The following ARHGAP24 variants were observed in gnomAD, a reference collection of about 807,000 sequenced individuals.
ARHGAP24 encodes Rho GTPase activating protein 24.
Under a neutral mutation model 76.4 loss-of-function variants are expected in ARHGAP24, and 50 were observed. The observed-to-expected ratio is 0.65, with a 90% CI of 0.52 to 0.83. ARHGAP24 has a LOEUF of 0.83. Among genes scored for constraint, ARHGAP24 ranks in the 40% least tolerant of loss-of-function variants. The probability of loss-of-function intolerance (pLI) is 0.00; values close to 1 mark genes in which losing one functional copy is unlikely to be tolerated. For missense variants in ARHGAP24, 930 were observed against 914.2 expected (o/e 1.02, Z -0.22); for synonymous variants, 345 against 323.3 (o/e 1.07, Z -0.72).
chr4:85,949,702 T>G (rs951772439), intron 5 of ARHGAP24, among the ~76,000 whole-genome samples: 2 of 152,146 alleles, frequency 1.3e-5, no homozygotes, highest in African/African-American at 4.8e-5. Context: ...TCTTGGTCAA[T>G]GGCAAATCAC....
chr4:85,690,108 C>T (rs1002166810), intron 2 of ARHGAP24, among the ~76,000 whole-genome samples: 3 of 152,152 alleles, frequency 2.0e-5, no homozygotes, highest in Admixed American at 6.5e-5. Flanking sequence ...ATGTTTATTT[C>T]GATGATCATA....
At chr4:85,939,716 C>T (rs1424862687) in intron 4 of ARHGAP24, among the ~76,000 whole-genome samples, 3 of 151,936 alleles carry the variant, frequency 2.0e-5, no homozygotes, top group Non-Finnish European at 4.4e-5. Context: ...AAAAAAAATC[C>T]CGAAAGCTTT....
intron 5 of ARHGAP24, among the ~76,000 whole-genome samples, chr4:85,960,114 C>T (rs762274469): frequency 2.6e-5 from 4 of 152,128 alleles, no homozygotes; most frequent in African/African-American, 4.8e-5. Flanking sequence ...TCTCTGAATA[C>T]TTCAACAATC....
At chr4:85,748,176 C>G (rs943370648) in intron 3 of ARHGAP24, among the ~76,000 whole-genome samples, 23 of 152,340 alleles carry the variant, frequency 1.5e-4, no homozygotes, top group African/African-American at 5.3e-4. Context: ...GTCTTTAACA[C>G]CAGTGAGCAA....
chr4:85,545,220 C>T (rs1348869848), intron 1 of ARHGAP24, among the ~76,000 whole-genome samples: 2 of 152,082 alleles, frequency 1.3e-5, no homozygotes, highest in African/African-American at 4.8e-5. Context: ...CTGCCTCAGC[C>T]TCCCGAGTAG....
At chr4:85,615,669 A>T (rs1720517383) in intron 2 of ARHGAP24, among the ~76,000 whole-genome samples, 1 of 152,342 alleles carries the variant, frequency 6.6e-6, no homozygotes, top group Admixed American at 6.5e-5. Context: ...ATAATTAATT[A>T]TGTTGTAATC....
intron 2 of ARHGAP24, among the ~76,000 whole-genome samples, chr4:85,615,483 G>A (rs918562425): frequency 6.6e-6 from 1 of 152,028 alleles, no homozygotes; most frequent in Non-Finnish European, 1.5e-5. Context: ...TCTCACCAGG[G>A]TACCATTTTC....
chr4:85,800,433 G>C (rs921713036), intron 3 of ARHGAP24, among the ~76,000 whole-genome samples: 2 of 151,920 alleles, frequency 1.3e-5, no homozygotes, highest in African/African-American at 4.8e-5. Flanking sequence ...AATGAAATAG[G>C]GCCCAAATGG....
intron 3 of ARHGAP24, among the ~76,000 whole-genome samples, chr4:85,778,035 T>C (rs1560627636): frequency 6.6e-6 from 1 of 152,174 alleles, no homozygotes; most frequent in Non-Finnish European, 1.5e-5. Flanking sequence ...AGCAAATGTG[T>C]GTCTAGTTTA....
At chr4:85,849,220 G>C (rs1041407670) in intron 3 of ARHGAP24, among the ~76,000 whole-genome samples, 1 of 149,996 alleles carries the variant, frequency 6.7e-6, no homozygotes, top group African/African-American at 2.4e-5. Flanking sequence ...TTGTGAATGA[G>C]AGTTCACTCT....
At chr4:85,775,727 G>A (rs1727287787) in intron 3 of ARHGAP24, among the ~76,000 whole-genome samples, 1 of 152,138 alleles carries the variant, frequency 6.6e-6, no homozygotes, top group Admixed American at 6.6e-5. Flanking sequence ...TACATAGGAG[G>A]CCATGGTTAG....
rs558666378 is a variant in ARHGAP24 at position 85,898,995 on chromosome 4, C to T, written c.269-24653C>T. Among the ~76,000 whole-genome samples the T allele has an allele frequency of 9.9e-5, 15 of 152,234 alleles. No homozygotes were observed. In the South Asian group the frequency reaches 2.3e-3, roughly 23 times the overall value. Reference sequence around the variant, plus strand: ...CTGACCTCAGGTGACCCACCCACCTCGGCCTGCCAAAGTGCTGGGATTACA... The same window carrying T: ...CTGACCTCAGGTGACCCACCCACCTTGGCCTGCCAAAGTGCTGGGATTACA... On this transcript the variant is annotated intron_variant, in intron 3 of 9. Coordinates refer to ENST00000395184, the MANE Select transcript of ARHGAP24 (RefSeq NM_001025616.3).
intron 3 of ARHGAP24, among the ~76,000 whole-genome samples, chr4:85,831,968 C>T (rs770126204): frequency 2.0e-5 from 3 of 150,790 alleles, no homozygotes; most frequent in African/African-American, 2.4e-5. Context: ...TATTTTTAAA[C>T]GTAGGTTTTA....
intron 2 of ARHGAP24, among the ~76,000 whole-genome samples, chr4:85,586,284 C>T (rs1269072058): frequency 6.6e-6 from 1 of 151,796 alleles, no homozygotes; most frequent in Non-Finnish European, 1.5e-5. Context: ...ATACACTTAG[C>T]ATGCATAGGG....
At chr4:85,625,077 T>C (rs1480333836) in intron 2 of ARHGAP24, among the ~76,000 whole-genome samples, 1 of 152,238 alleles carries the variant, frequency 6.6e-6, no homozygotes, top group Non-Finnish European at 1.5e-5. Flanking sequence ...TTCCTTCAGT[T>C]CTGCTCTGAT....
chr4:85,537,224 C>T (rs563531725), intron 1 of ARHGAP24, among the ~76,000 whole-genome samples: 15 of 152,206 alleles, frequency 9.9e-5, no homozygotes, highest in South Asian at 2.1e-4. Context: ...TTATAAGACA[C>T]GATTCTTGAC....
At chr4:85,495,574 A>G (rs1268129709) in intron 1 of ARHGAP24, among the ~76,000 whole-genome samples, 1 of 151,870 alleles carries the variant, frequency 6.6e-6, no homozygotes, top group Non-Finnish European at 1.5e-5. Flanking sequence ...GATGGGTCTC[A>G]ATCTCCTTAC....
At chr4:85,809,763 G>A (rs1467449439) in intron 3 of ARHGAP24, among the ~76,000 whole-genome samples, 1 of 152,192 alleles carries the variant, frequency 6.6e-6, no homozygotes, top group Non-Finnish European at 1.5e-5. Context: ...CATGCAGGCT[G>A]AGGGGTAGAT....
chr4:85,932,855 GC>G (rs1226211724), intron 4 of ARHGAP24, among the ~76,000 whole-genome samples: 1 of 152,174 alleles, frequency 6.6e-6, no homozygotes, highest in Admixed American at 6.5e-5. Context: ...AGTGCTGCGT[GC>G]CCACAGTTCT....
Sources: gnomAD v4.1 joint callset for allele counts (sites outside exome capture counted in the v4.1 genomes callset) on GRCh38, gnomAD v4.1.1 for gene constraint, MANE v1.5 for transcripts, NCBI Gene and HGNC (gene_info 2026-07-23, HGNC 2026-07-21) for gene names.